Variants in IQSEC1 observed in about 807,000 individuals in gnomAD.
IQSEC1 encodes the protein IQ motif and SEC7 domain-containing protein 1.
In IQSEC1, 31 loss-of-function variants were observed where a neutral mutation model predicts 91.0. The ratio of observed to expected loss-of-function variants is 0.34; its 90% confidence interval spans 0.26 to 0.46. IQSEC1 has a LOEUF of 0.46. Among genes scored for constraint, IQSEC1 ranks in the 20% least tolerant of loss-of-function variants. IQSEC1 has a pLI of 1.00. For missense variants in IQSEC1, 1,388 were observed against 1,575.6 expected, an observed-to-expected ratio of 0.88 and a Z score of 2.02; for synonymous variants, 699 against 662.6, an observed-to-expected ratio of 1.05 and a Z score of -0.84.
At chr3:13,260,141 G>C (rs574441976) in intron 1 of IQSEC1, among the ~76,000 whole-genome samples, 1 of 152,322 alleles carries the variant, frequency 6.6e-6, no homozygotes, top group East Asian at 1.9e-4. Context: ...GAGAGTGAGG[G>C]AGACAGAAAA....
intron 1 of IQSEC1, among the ~76,000 whole-genome samples, chr3:13,061,807 A>G (rs1276585583): frequency 2.6e-5 from 4 of 152,078 alleles, no homozygotes; most frequent in Admixed American, 6.5e-5. Context: ...CCGTCCCAAC[A>G]AACACACACA....
intron 1 of IQSEC1, among the ~76,000 whole-genome samples, chr3:12,956,773 T>C (rs930999776): frequency 6.6e-6 from 1 of 152,112 alleles, no homozygotes; most frequent in South Asian, 2.1e-4. Flanking sequence ...CTACGTGCAA[T>C]CGGGAGACCA....
At chr3:13,146,295 C>T (rs560388708) in intron 2 of IQSEC1, among the ~76,000 whole-genome samples, 1 of 152,150 alleles carries the variant, frequency 6.6e-6, no homozygotes, top group Non-Finnish European at 1.5e-5. Flanking sequence ...CCAGTCCCTG[C>T]TCTTTAGAGA....
chr3:13,138,287 C>T (rs1005343923), intron 2 of IQSEC1, among the ~76,000 whole-genome samples: 2 of 150,940 alleles, frequency 1.3e-5, no homozygotes, highest in African/African-American at 2.4e-5. Flanking sequence ...ACCTACTTAC[C>T]GAGTGGAGAG....
intron 1 of IQSEC1, among the ~76,000 whole-genome samples, chr3:13,007,369 G>A (rs1008621665): frequency 7.2e-5 from 11 of 152,204 alleles, no homozygotes; most frequent in Non-Finnish European, 8.8e-5. Flanking sequence ...TAGTGGGGAC[G>A]CCAGCTGTGG....
rs747391152 is a variant in IQSEC1, at chr3:12,915,270, A to G, written c.2161-137T>C. 329 of 1,045,972 alleles carry G rather than the reference A, an allele frequency of 3.1e-4. 3 individuals carry two copies. The highest frequency in any genetic ancestry group is 2.0e-4 in the Middle Eastern group (1 of 4,962). The allele number at this position is 1,045,972 out of a possible 1,614,324, so 64.8% of individuals were successfully genotyped here. On this transcript the variant is annotated intron_variant, in intron 7 of 13. Transcript: ENST00000613206. ...ATGTGGGGTACCCACTCTCTCTGGC[A>G]GAGCTCTCTGAGGGGTCCCAGGGGA...
intron 1 of IQSEC1, among the ~76,000 whole-genome samples, chr3:13,165,906 G>A (rs1021979649): frequency 3.3e-5 from 5 of 152,164 alleles, no homozygotes; most frequent in African/African-American, 9.7e-5. Context: ...ACCGGGCCCC[G>A]CTTACGGACA....
chr3:13,221,752 G>A (rs907112036), intron 1 of IQSEC1, among the ~76,000 whole-genome samples: 3 of 152,254 alleles, frequency 2.0e-5, no homozygotes, highest in African/African-American at 7.2e-5. Flanking sequence ...CCTCGGCAGG[G>A]AGCTGCCTCC....
chr3:13,125,127 C>T (rs143096660), intron 2 of IQSEC1, among the ~76,000 whole-genome samples: 9 of 152,320 alleles, frequency 5.9e-5, no homozygotes, highest in African/African-American at 1.9e-4. Context: ...TTCTGCCACC[C>T]CTCACCCTTG....
intron 1 of IQSEC1, among the ~76,000 whole-genome samples, chr3:13,179,471 G>A (rs1006345027): frequency 6.6e-6 from 1 of 152,240 alleles, no homozygotes; most frequent in African/African-American, 2.4e-5. Flanking sequence ...TATACCTCGT[G>A]GAAATATCAT....
chr3:12,957,250 T>C (rs541311579), intron 1 of IQSEC1, among the ~76,000 whole-genome samples: 106 of 152,330 alleles, frequency 7.0e-4, no homozygotes, highest in Admixed American at 3.1e-3. Context: ...CTCATCTGCA[T>C]GGCCTCACCT....
chr3:13,112,337 T>C (rs1204307670), intron 2 of IQSEC1, among the ~76,000 whole-genome samples: 1 of 152,180 alleles, frequency 6.6e-6, no homozygotes, highest in East Asian at 1.9e-4. Flanking sequence ...CTGGGTGACC[T>C]TGGGCAATTC....
At chr3:12,981,548 C>G (rs1205967682) in intron 1 of IQSEC1, among the ~76,000 whole-genome samples, 1 of 152,176 alleles carries the variant, frequency 6.6e-6, no homozygotes, top group Non-Finnish European at 1.5e-5. Flanking sequence ...ACAGGGGGAA[C>G]TTTTCACCAT....
At chr3:13,006,093 T>A (rs1404614499) in intron 1 of IQSEC1, among the ~76,000 whole-genome samples, 1 of 152,216 alleles carries the variant, frequency 6.6e-6, no homozygotes, top group African/African-American at 2.4e-5. Flanking sequence ...AGCAAAATCC[T>A]AATGATACAT....
At chr3:13,020,038 G>A (rs1284033638) in intron 1 of IQSEC1, among the ~76,000 whole-genome samples, 1 of 152,208 alleles carries the variant, frequency 6.6e-6, no homozygotes. Context: ...AGGGCACAGC[G>A]GGCCTCCCAG....
Position 12,992,493 on chromosome 3 carries a change from AG to A in IQSEC1, c.24-50629del, listed in dbSNP as rs574190045. Among the ~76,000 whole-genome samples, 262 of 152,264 alleles carry A rather than the reference AG, an allele frequency of 1.7e-3. No homozygotes were observed. Among genetic ancestry groups the A allele is most frequent in the African/African-American group, 5.8e-3 (241 of 41,544 alleles). On this transcript the variant is annotated intron_variant, in intron 1 of 13. Coordinates refer to ENST00000613206, the MANE Select transcript of IQSEC1 (RefSeq NM_001134382.3). The surrounding 1 kb of genome is among the most constrained non-coding windows in gnomAD (Gnocchi z 4.1). ...GTGGGCATCATACTGGGGGCAGGGG[AG>A]GGTGACGAGAAAGCTATTCCTGTGT...
At chr3:13,266,375 G>A (rs1396622424) in intron 1 of IQSEC1, among the ~76,000 whole-genome samples, 1 of 152,184 alleles carries the variant, frequency 6.6e-6, no homozygotes, top group East Asian at 1.9e-4. Flanking sequence ...TGCCCAAGGA[G>A]CATAGTTCTA....
At position 12,909,457 on chromosome 3, in the gene IQSEC1, A is replaced by G. The variant is rs766348337; in HGVS notation, c.2417-23T>C. On this transcript the variant is annotated intron_variant, in intron 10 of 13. Coordinates refer to ENST00000613206, the MANE Select transcript of IQSEC1 (RefSeq NM_001134382.3). This position sits in a 1 kb window ranked among gnomAD's most constrained non-coding sequence, Gnocchi z 4.9. Reference sequence around the variant, plus strand: ...AGTCTGCAAAAGGGAAGGAGAGGGGAGGAGGCCCACGGGTCTCAGTGTGTT... The same window carrying G: ...AGTCTGCAAAAGGGAAGGAGAGGGGGGGAGGCCCACGGGTCTCAGTGTGTT... 39 of 1,608,992 alleles carry G rather than the reference A, an allele frequency of 2.4e-5. No individual in the cohort carries two copies. Among genetic ancestry groups the G allele is most frequent in the Non-Finnish European group, 3.1e-5 (36 of 1,176,714 alleles).
intron 2 of IQSEC1, among the ~76,000 whole-genome samples, chr3:13,138,681 A>G (rs546603085): frequency 2.5e-4 from 38 of 152,036 alleles, no homozygotes; most frequent in Non-Finnish European, 5.3e-4. Context: ...CTATTGTGCC[A>G]CCATGACCTT....
Sources: gnomAD v4.1 joint callset for allele counts (sites outside exome capture counted in the v4.1 genomes callset) on GRCh38, gnomAD v4.1.1 for gene constraint, Gnocchi (gnomAD v3.1) non-coding constraint, MANE v1.5 for transcripts, NCBI Gene and HGNC (gene_info 2026-07-23, HGNC 2026-07-21) for gene names.